Variants in PABIR3 observed in about 807,000 individuals in gnomAD.
PABIR3 encodes the protein PABIR family member 3.
Under a neutral mutation model 23.1 loss-of-function variants are expected in PABIR3, and 20 were observed. The observed-to-expected ratio is 0.86, with a 90% CI of 0.61 to 1.26. The LOEUF (loss-of-function observed/expected upper bound fraction) is 1.26. Among genes scored for constraint, PABIR3 ranks in the 50% most tolerant of loss-of-function variants. The probability of loss-of-function intolerance (pLI) is 0.00; values close to 1 mark genes in which losing one functional copy is unlikely to be tolerated. For synonymous variants in PABIR3, 69 were observed against 68.5 expected (o/e 1.01, Z -0.04); for missense variants, 189 against 195.4 (o/e 0.97, Z 0.20).
At position 134,814,795 on chromosome X, in the gene PABIR3, T is replaced by C; in HGVS notation, c.135T>C (p.Ala45=). ...GLGFNSQVLQ[A]DMLRIRTNRT... ...GTTTTAATTCACAGGTGTTGCAAGC[T>C]GACATGTTAAGAATTAGGACAAACA... Residue 45 remains alanine, a synonymous_variant, in exon 3 of 11, where the codon GCT becomes GCC. Coordinates refer to ENST00000645433, the MANE Select transcript of PABIR3 (RefSeq NM_001388447.1). The C allele has an allele frequency of 1.7e-6, 2 of 1,201,833 alleles. No individual in the cohort carries two copies. The highest frequency in any genetic ancestry group is 2.2e-6 in the Non-Finnish European group (2 of 890,606).
the PABIR3 span, among the ~76,000 whole-genome samples, chrX:134,864,018 T>G: frequency 3.6e-5 from 4 of 111,687 alleles, no homozygotes; most frequent in Admixed American, 9.6e-5. Flanking sequence ...TTTTGAAGTT[T>G]TATATTTATG....
chrX:134,820,541 AG>A (rs1192405539), intron 3 of PABIR3, among the ~76,000 whole-genome samples: 3 of 110,785 alleles, frequency 2.7e-5, no homozygotes, highest in Admixed American at 1.9e-4. Context: ...CAGTTTTGCA[AG>A]GGTACAATTT....
intron 3 of PABIR3, chrX:134,822,831 G>C (rs2081348028): frequency 6.0e-6 from 1 of 166,131 alleles, no homozygotes; most frequent in African/African-American, 3.1e-5. Context: ...CTTACTACCT[G>C]GGTGATGAAA....
intron 9 of PABIR3, among the ~76,000 whole-genome samples, chrX:134,850,315 T>C (rs891592582): frequency 9.0e-6 from 1 of 111,645 alleles, no homozygotes; most frequent in African/African-American, 3.3e-5. Flanking sequence ...TATGCTTTAA[T>C]GTTCTTTGTA....
Position 134,813,973 on chromosome X carries a change from T to G in PABIR3, c.111-798T>G, listed in dbSNP as rs1371531582. Among the ~76,000 whole-genome samples, 6 of 97,589 alleles carry G rather than the reference T, an allele frequency of 6.1e-5. No individual in the cohort carries two copies. The East Asian group carries it at 1.5e-3, about 25-fold the overall frequency. 84.7% of individuals were successfully genotyped at this position (97,589 alleles called of 115,157 possible). On this transcript the variant is annotated intron_variant, in intron 2 of 10. Coordinates refer to ENST00000645433, the MANE Select transcript of PABIR3 (RefSeq NM_001388447.1). ...AAGCCAGAACGTTGGAATCTGGGTG[T>G]TTTTTTTTTTTTTAATGTGAAATCT...
At position 134,854,327 on chromosome X, in the gene PABIR3, T is replaced by G; in HGVS notation, c.*110T>G. On this transcript the variant is annotated 3_prime_UTR_variant, in exon 11 of 11. Transcript: ENST00000645433. ...GAGCAATGAGAATTGTACTGTATAA[T>G]TTAAACTATCTCCTATTTATCTTTT... 1 of 831,498 alleles carries G rather than the reference T, an allele frequency of 1.2e-6. No individual in the cohort carries two copies. The highest frequency in any genetic ancestry group is 1.6e-6 in the Non-Finnish European group (1 of 631,719). The allele number at this position is 831,498 out of a possible 1,213,427, so 68.5% of individuals were successfully genotyped here. A position where few individuals can be genotyped will look rare whatever the true frequency, so the allele number is the denominator to read the frequency against.
chrX:134,855,409 G>A (rs781405048), downstream of PABIR3, among the ~76,000 whole-genome samples: 1 of 109,510 alleles, frequency 9.1e-6, no homozygotes, highest in Admixed American at 9.8e-5. Context: ...ACTCCAGCCT[G>A]GGCAACAGAG....
Position 134,849,229 on chromosome X carries a change from G to A in PABIR3, c.589+1G>A, listed in dbSNP as rs898267942. The A allele has an allele frequency of 5.7e-6, 5 of 876,694 alleles. No homozygotes were observed. The highest frequency in any genetic ancestry group is 7.3e-6 in the Non-Finnish European group (5 of 686,931). 72.2% of individuals were successfully genotyped at this position (876,694 alleles called of 1,213,427 possible). ...ATCCTTGGACCATTAAAAAGAAAAG[G>A]TACTTTTATCTAACAGTAGAAGTAA... On this transcript the variant is annotated splice_donor_variant, in intron 9 of 10. Transcript: ENST00000645433. LOFTEE classifies it high-confidence loss of function.
intron 2 of PABIR3, chrX:134,810,837 A>C: frequency 1.3e-6 from 1 of 753,264 alleles, no homozygotes; most frequent in East Asian, 1.5e-4. Flanking sequence ...TAGAAACCAC[A>C]AAGTGGACAG....
upstream of PABIR3, among the ~76,000 whole-genome samples, chrX:134,805,522 T>C (rs1187274461): frequency 8.9e-6 from 1 of 112,065 alleles, no homozygotes; most frequent in Non-Finnish European, 1.9e-5. Flanking sequence ...ACGAACTATC[T>C]CAAGACTGTC....
At chrX:134,805,797 T>C (rs1329177820), upstream of PABIR3, among the ~76,000 whole-genome samples, 1 of 110,755 alleles carries the variant, frequency 9.0e-6, no homozygotes, top group Non-Finnish European at 1.9e-5. Context: ...CTCTGGAGGC[T>C]GAGTCAGGAG....
intron 2 of PABIR3, among the ~76,000 whole-genome samples, chrX:134,813,991 T>C (rs1474876946): frequency 1.8e-5 from 2 of 108,915 alleles, no homozygotes; most frequent in Non-Finnish European, 3.8e-5. Flanking sequence ...TTTTTTAATG[T>C]GAAATCTTTC....
chrX:134,858,900 C>G (rs1365798741), downstream of PABIR3, among the ~76,000 whole-genome samples: 3 of 111,619 alleles, frequency 2.7e-5, no homozygotes, highest in Non-Finnish European at 5.6e-5. Flanking sequence ...ACCATGGTCT[C>G]TCAGAAGAAA....
rs1049282830 is a variant in PABIR3 at position 134,824,185 on chromosome X, A to G, written c.190-5041A>G. Among the ~76,000 whole-genome samples the G allele has an allele frequency of 2.7e-5, 3 of 112,076 alleles. No homozygotes were observed. The Admixed American group carries it at 2.9e-4, about 11-fold the overall frequency. Reference sequence around the variant, plus strand: ...AAGAGCCTTCGTTACGTGTATTTGAATTCCAGTTCTAGCAATGACTGCATA... The same window carrying G: ...AAGAGCCTTCGTTACGTGTATTTGAGTTCCAGTTCTAGCAATGACTGCATA... On this transcript the variant is annotated intron_variant, in intron 3 of 10. Coordinates refer to ENST00000645433, the MANE Select transcript of PABIR3 (RefSeq NM_001388447.1).
At chrX:134,810,502 T>C in intron 2 of PABIR3, 3 of 753,888 alleles carry the variant, frequency 4.0e-6, no homozygotes, top group Non-Finnish European at 4.7e-6. Context: ...AGGAATGATG[T>C]GTGACATCCC....
intron 2 of PABIR3, chrX:134,808,186 A>T (rs893732083): frequency 1.6e-4 from 38 of 240,835 alleles, no homozygotes; most frequent in African/African-American, 2.1e-4. Flanking sequence ...ACTTTTTTAC[A>T]TTTTTTTTTT....
At position 134,814,974 on chromosome X, in the gene PABIR3, C is replaced by T. The variant is rs1054224566; in HGVS notation, c.189+125C>T. 8 of 505,224 alleles carry T rather than the reference C, an allele frequency of 1.6e-5. No individual in the cohort carries two copies. In the East Asian group the frequency reaches 3.0e-4, roughly 19 times the overall value. The allele number at this position is 505,224 out of a possible 1,213,427, so 41.6% of individuals were successfully genotyped here. ...AAACACAGATGGCCAGCGGGAGTCT[C>T]ACCCCCAGGGTTTCTGATTAAGTAG... On this transcript the variant is annotated intron_variant, in intron 3 of 10. Coordinates refer to ENST00000645433, the MANE Select transcript of PABIR3 (RefSeq NM_001388447.1).
At chrX:134,806,975 A>G, upstream of PABIR3, among the ~76,000 whole-genome samples, 1 of 111,369 alleles carries the variant, frequency 9.0e-6, no homozygotes, top group Middle Eastern at 4.6e-3. Context: ...TTTCTAAATA[A>G]TGCTTAAGGA....
intron 2 of PABIR3, chrX:134,810,834 C>A (rs2080613728): frequency 2.7e-6 from 2 of 750,819 alleles, no homozygotes; most frequent in African/African-American, 4.7e-5. Flanking sequence ...ATATAGAAAC[C>A]ACAAAGTGGA....
Sources: allele counts gnomAD v4.1 joint callset (sites outside exome capture counted in the v4.1 genomes callset), GRCh38; gene constraint gnomAD v4.1.1; transcripts MANE v1.5; gene names NCBI Gene and HGNC (gene_info 2026-07-23, HGNC 2026-07-21).